COG5: variants seen among roughly 807,000 people sequenced by gnomAD.
COG5 encodes the protein component of oligomeric golgi complex 5, also known as conserved oligomeric Golgi complex subunit 5.
COG5 carries 86 observed loss-of-function variants against 110.4 expected under a neutral mutation model. The observed-to-expected ratio is 0.78, with a 90% CI of 0.65 to 0.93. The LOEUF (loss-of-function observed/expected upper bound fraction) is 0.93. Ranked by LOEUF, COG5 falls within the 40% of genes least tolerant of loss-of-function variation. The pLI is 0.00. For missense variants in COG5, 1,077 were observed against 987.0 expected, an observed-to-expected ratio of 1.09 and a Z score of -1.22; for synonymous variants, 360 against 334.6, an observed-to-expected ratio of 1.08 and a Z score of -0.83.
chr7:107,474,018 T>C lies in COG5; in HGVS notation c.538+53219A>G. 1.0e-6 allele frequency: 1 copy of C among 994,754 alleles called. No homozygotes were observed. Among genetic ancestry groups the C allele is most frequent in the Non-Finnish European group, 1.5e-6 (1 of 659,180 alleles). The allele number at this position is 994,754 out of a possible 1,614,324, so 61.6% of individuals were successfully genotyped here. A position where few individuals can be genotyped will look rare whatever the true frequency, so the allele number is the denominator to read the frequency against. On this transcript the variant is annotated intron_variant, in intron 6 of 21. Transcript: ENST00000297135. The surrounding 1 kb of genome is among the most constrained non-coding windows in gnomAD (Gnocchi z 5.7). ...AATTGCCAAATATCAAATAGTTTAT[T>C]CTATTTCACTTTCTAGGGAAAAAAA...
At chr7:107,480,167 TCA>T (rs1453419883) in intron 6 of COG5, among the ~76,000 whole-genome samples, 9 of 152,158 alleles carry the variant, frequency 5.9e-5, no homozygotes, top group Admixed American at 3.3e-4. Flanking sequence ...GTTAGAAAAT[TCA>T]CATTTTCAGT....
chr7:107,360,106 A>G (rs530965812), intron 10 of COG5, among the ~76,000 whole-genome samples: 36 of 151,994 alleles, frequency 2.4e-4, no homozygotes, highest in Non-Finnish European at 4.1e-4. Context: ...TGAGGGCTGC[A>G]TGGATGTCGG....
intron 6 of COG5, among the ~76,000 whole-genome samples, chr7:107,430,448 A>G (rs1359957343): frequency 6.6e-6 from 1 of 152,190 alleles, no homozygotes; most frequent in Non-Finnish European, 1.5e-5. Context: ...TGATCTACAT[A>G]TCTATCTTTA....
At chr7:107,276,943 T>A (rs1165510323) in intron 14 of COG5, among the ~76,000 whole-genome samples, 2 of 152,206 alleles carry the variant, frequency 1.3e-5, no homozygotes, top group Non-Finnish European at 1.5e-5. Context: ...TCTAGAAAGC[T>A]GATATTCACA....
chr7:107,281,896 A>G (rs900091612), intron 13 of COG5, among the ~76,000 whole-genome samples: 4 of 152,176 alleles, frequency 2.6e-5, no homozygotes, highest in Non-Finnish European at 5.9e-5. Flanking sequence ...AAATAATATA[A>G]AAGCATAACA....
At chr7:107,255,109 T>G (rs774275089) in intron 16 of COG5, among the ~76,000 whole-genome samples, 67 of 152,244 alleles carry the variant, frequency 4.4e-4, no homozygotes, top group South Asian at 1.2e-3. Flanking sequence ...TTTGGGTAGT[T>G]ATCAAAAAAA....
intron 1 of COG5, among the ~76,000 whole-genome samples, chr7:107,562,328 T>C (rs751775544): frequency 6.6e-6 from 1 of 152,198 alleles, no homozygotes; most frequent in Non-Finnish European, 1.5e-5. Flanking sequence ...TACTGAAACA[T>C]ATATCCAATG....
intron 6 of COG5, among the ~76,000 whole-genome samples, chr7:107,519,062 C>T (rs1191007033): frequency 6.6e-6 from 1 of 152,016 alleles, no homozygotes; most frequent in African/African-American, 2.4e-5. Context: ...GGGTAAATAA[C>T]AAAATTAAAG....
At chr7:107,286,895 A>C (rs1004025720) in intron 12 of COG5, among the ~76,000 whole-genome samples, 1 of 152,186 alleles carries the variant, frequency 6.6e-6, no homozygotes, top group African/African-American at 2.4e-5. Flanking sequence ...GCATCACTCT[A>C]TATATGTATA....
intron 6 of COG5, among the ~76,000 whole-genome samples, chr7:107,497,838 A>G (rs897722837): frequency 1.3e-5 from 2 of 152,114 alleles, no homozygotes; most frequent in African/African-American, 4.8e-5. Context: ...AGTCAAAAGA[A>G]CTCTGAGAAA....
chr7:107,485,574 G>C (rs1797611191), intron 6 of COG5, among the ~76,000 whole-genome samples: 2 of 152,060 alleles, frequency 1.3e-5, no homozygotes, highest in South Asian at 4.1e-4. Flanking sequence ...ACAGAATCTA[G>C]TGACACAAAT....
At chr7:107,391,817 G>A (rs1350352970) in intron 7 of COG5, among the ~76,000 whole-genome samples, 4 of 152,068 alleles carry the variant, frequency 2.6e-5, no homozygotes, top group Admixed American at 2.6e-4. Context: ...TTGGTCAGGT[G>A]CGTGTGGCTC....
chr7:107,325,849 C>T lies in COG5; in HGVS notation c.1027-1328G>A, dbSNP rs532101740. Among the ~76,000 whole-genome samples the T allele has an allele frequency of 7.9e-5, 12 of 152,148 alleles. No individual in the cohort carries two copies. In the South Asian group the frequency reaches 1.9e-3, roughly 24 times the overall value. The stretch of plus-strand genomic sequence containing the variant: ...TTAATTGTTCCTTTTTAAAATAAGT[C>T]TTATGGTTGTAAATTTACTCAAGAA... On this transcript the variant is annotated intron_variant, in intron 10 of 21. Coordinates refer to ENST00000297135, the MANE Select transcript of COG5 (RefSeq NM_006348.5).
At chr7:107,549,853 A>G (rs989757661) in intron 3 of COG5, among the ~76,000 whole-genome samples, 1 of 152,116 alleles carries the variant, frequency 6.6e-6, no homozygotes, top group Non-Finnish European at 1.5e-5. Flanking sequence ...ATCTTTCAGG[A>G]ATTTCATTCA....
At position 107,378,948 on chromosome 7, in the gene COG5, A is replaced by G. The variant is rs865774905; in HGVS notation, c.670-6188T>C. Among the ~76,000 whole-genome samples the G allele has an allele frequency of 2.0e-5, 3 of 152,220 alleles. No individual in the cohort carries two copies. The Middle Eastern group carries it at 0.01, about 518-fold the overall frequency. On this transcript the variant is annotated intron_variant, in intron 7 of 21. Coordinates refer to ENST00000297135, the MANE Select transcript of COG5 (RefSeq NM_006348.5). ...CACCACAAAGATACTCCTCAAGAGGAGCACCCAAGTCACATAGTTGTCAGA... is the reference window on the plus strand; with the variant it reads ...CACCACAAAGATACTCCTCAAGAGGGGCACCCAAGTCACATAGTTGTCAGA...
chr7:107,423,177 C>A (rs181523329), intron 6 of COG5, among the ~76,000 whole-genome samples: 5 of 151,834 alleles, frequency 3.3e-5, no homozygotes, highest in Admixed American at 3.3e-4. Context: ...GATTACTGTT[C>A]ATCAGTCTTC....
chr7:107,452,209 C>T (rs952847927), intron 6 of COG5, among the ~76,000 whole-genome samples: 10 of 152,142 alleles, frequency 6.6e-5, no homozygotes, highest in Admixed American at 6.6e-4. Context: ...TAATTATGCT[C>T]CCAATATTCC....
chr7:107,525,247 T>TGTA (rs1800645778), intron 6 of COG5, among the ~76,000 whole-genome samples: 2 of 151,944 alleles, frequency 1.3e-5, no homozygotes, highest in Non-Finnish European at 2.9e-5. Context: ...TGTTTTTTTT[T>TGTA]TTCGAAGACA....
At chr7:107,464,608 C>T (rs561963364) in intron 6 of COG5, among the ~76,000 whole-genome samples, 1 of 152,266 alleles carries the variant, frequency 6.6e-6, no homozygotes, top group African/African-American at 2.4e-5. Context: ...ACATCATATG[C>T]TTGTAGCCAA....
Sources: allele counts gnomAD v4.1 joint callset (sites outside exome capture counted in the v4.1 genomes callset), GRCh38; gene constraint gnomAD v4.1.1; non-coding constraint Gnocchi (gnomAD v3.1); transcripts MANE v1.5; gene names NCBI Gene and HGNC (gene_info 2026-07-23, HGNC 2026-07-21).